The following DCTN2 variants were observed in gnomAD, a reference collection of about 807,000 sequenced individuals.
DCTN2 encodes 50 kDa dynein-associated polypeptide.
DCTN2 carries 18 observed loss-of-function variants against 55.4 expected under a neutral mutation model. The observed-to-expected ratio is 0.32, with a 90% CI of 0.22 to 0.48. The LOEUF is 0.48. DCTN2 is among the 20% of genes least tolerant of loss of function. The pLI is 0.99. For synonymous variants in DCTN2, 168 were observed against 185.2 expected (o/e 0.91, Z 0.76); for missense variants, 390 against 491.0 (o/e 0.79, Z 1.94).
Position 57,534,360 on chromosome 12 carries a change from G to A in DCTN2, c.456C>T (p.Ser152=). 1 of 1,612,778 alleles carries A rather than the reference G, an allele frequency of 6.2e-7. No homozygotes were observed. Among genetic ancestry groups the A allele is most frequent in the Non-Finnish European group, 8.5e-7 (1 of 1,179,264 alleles). Residue 152 remains serine, a synonymous_variant, in exon 6 of 14, where the codon TCC becomes TCT. Coordinates refer to ENST00000548249, the MANE Select transcript of DCTN2 (RefSeq NM_001261413.2). Reference sequence around the variant, plus strand: ...CTGGTCCCAGCAGCTTCTCCAGGTGGGAAGCAACCAGCTGCTGCTTCAGGG... The same window carrying A: ...CTGGTCCCAGCAGCTTCTCCAGGTGAGAAGCAACCAGCTGCTGCTTCAGGG... ...LAALKQQLVA[S]HLEKLLGPDA...
chr12:57,532,681 G>A (rs1879849664), intron 10 of DCTN2, 38 bp from the exon 11 acceptor site: 1 of 1,613,512 alleles, frequency 6.2e-7, no homozygotes, highest in Admixed American at 1.7e-5. Context: ...GGGCATCCAG[G>A]GCTTCCAGAG....
In DCTN2 at chr12:57,543,975, TTTTA is replaced by T; in HGVS notation, c.105+2049_105+2052del. On this transcript the variant is annotated intron_variant, in intron 2 of 13. Coordinates refer to ENST00000548249, the MANE Select transcript of DCTN2 (RefSeq NM_001261413.2). Reference sequence around the variant, plus strand: ...ACACCTGGAATGGGTGTCATCTCCTTTTTATTAAGAGATATCCCAGTATCTTCAA... The same window carrying T: ...ACACCTGGAATGGGTGTCATCTCCTTTTAAGAGATATCCCAGTATCTTCAA... 3 of 463,274 alleles carry T rather than the reference TTTTA, an allele frequency of 6.5e-6. No individual in the cohort carries two copies. The Admixed American group carries it at 7.3e-5, about 11-fold the overall frequency. 28.7% of individuals were successfully genotyped at this position (463,274 alleles called of 1,614,324 possible). A position where few individuals can be genotyped will look rare whatever the true frequency, so the allele number is the denominator to read the frequency against.
At chr12:57,533,732 C>G (rs703838) in intron 7 of DCTN2, among the ~76,000 whole-genome samples, 25,496 of 148,238 alleles carry the variant, frequency 0.17, 2,309 homozygotes, top group East Asian at 0.27. Context: ...GATTGCGCCA[C>G]TGCACTCCAG....
intron 8 of DCTN2, 56 bp downstream of exon 8, chr12:57,533,182 T>G: frequency 6.3e-7 from 1 of 1,598,442 alleles, no homozygotes; most frequent in East Asian, 2.2e-5. Context: ...TTGTAGACCT[T>G]AAGGCCTAGA....
In DCTN2 at chr12:57,532,675, A is replaced by ATCCAGGGCT. The variant is rs1389700264; in HGVS notation, c.853-41_853-33dup. On this transcript the variant is annotated intron_variant, in intron 10 of 13. Coordinates refer to ENST00000548249, the MANE Select transcript of DCTN2 (RefSeq NM_001261413.2). ...ACACAGATTTTAAGGTTGATAGGGC[A>ATCCAGGGCT]TCCAGGGCTTCCAGAGTCCCAAGCT... The ATCCAGGGCT allele has an allele frequency of 1.9e-6, 3 of 1,613,688 alleles. No individual in the cohort carries two copies. The Admixed American group carries it at 5.0e-5, about 27-fold the overall frequency.
chr12:57,543,867 C>T (rs1357353166), intron 2 of DCTN2: 1 of 1,266,042 alleles, frequency 7.9e-7, no homozygotes, highest in Non-Finnish European at 1.0e-6. Flanking sequence ...CCTCATCAGC[C>T]ACCCCACTAG....
rs1202807121 is a variant in DCTN2 at position 57,530,257 on chromosome 12, G to A, written c.*432C>T. ...GCTTAGATTGCCTGTTATGACGAATGAATATCTATATCCTAGTGCTGCTTC... is the reference window on the plus strand; with the variant it reads ...GCTTAGATTGCCTGTTATGACGAATAAATATCTATATCCTAGTGCTGCTTC... On this transcript the variant is annotated 3_prime_UTR_variant, in exon 14 of 14. Transcript: ENST00000548249. The A allele has an allele frequency of 1.3e-5, 2 of 156,620 alleles. No individual in the cohort carries two copies. The highest frequency in any genetic ancestry group is 4.8e-5 in the African/African-American group (2 of 41,634). 9.7% of individuals were successfully genotyped at this position (156,620 alleles called of 1,614,324 possible). A position where few individuals can be genotyped will look rare whatever the true frequency, so the allele number is the denominator to read the frequency against.
At chr12:57,545,399 A>C (rs554218307) in intron 2 of DCTN2, among the ~76,000 whole-genome samples, 2 of 152,276 alleles carry the variant, frequency 1.3e-5, no homozygotes, top group South Asian at 2.1e-4. Context: ...CACAAAAAAA[A>C]CCACAGAATG....
intron 2 of DCTN2, among the ~76,000 whole-genome samples, chr12:57,541,023 T>G (rs1447322959): frequency 1.3e-5 from 2 of 152,198 alleles, no homozygotes; most frequent in Non-Finnish European, 2.9e-5. Flanking sequence ...TCATTTGATC[T>G]TAGTCTGAGG....
intron 2 of DCTN2, among the ~76,000 whole-genome samples, chr12:57,540,550 G>A (rs1594891073): frequency 6.6e-6 from 1 of 152,160 alleles, no homozygotes; most frequent in Non-Finnish European, 1.5e-5. Flanking sequence ...AGACCCCCCA[G>A]GGCTGTTTGG....
At chr12:57,539,628 C>A (rs1011874310) in intron 2 of DCTN2, among the ~76,000 whole-genome samples, 1 of 152,162 alleles carries the variant, frequency 6.6e-6, no homozygotes, top group Non-Finnish European at 1.5e-5. Context: ...ATATGAAAAA[C>A]CATGGTGGGA....
At chr12:57,538,304 C>T (rs760872978) in intron 2 of DCTN2, 28 of 631,260 alleles carry the variant, frequency 4.4e-5, no homozygotes, top group South Asian at 3.9e-4. Context: ...CGGGAGCACA[C>T]TCTAGTCCTC....
intron 3 of DCTN2, 49 bp downstream of exon 3, chr12:57,535,700 A>C (rs1880173963): frequency 1.3e-6 from 2 of 1,559,348 alleles, no homozygotes; most frequent in Non-Finnish European, 1.8e-6. Context: ...ACCACTTCTC[A>C]TGCTTATCCT....
intron 4 of DCTN2, 90 bp downstream of exon 4, chr12:57,535,394 C>T (rs1880145490): frequency 2.7e-6 from 4 of 1,505,396 alleles, no homozygotes; most frequent in Non-Finnish European, 3.7e-6. Flanking sequence ...GGAACAGAAT[C>T]CCGCCTGTAT....
At position 57,547,157 on chromosome 12, in the gene DCTN2, G is replaced by C; in HGVS notation, c.-94C>G. ...AGGCTGGGTTCGGGTCCCGGGCTAA[G>C]GCGGCGGCAAAGGGAGCGGCAGATG... On this transcript the variant is annotated 5_prime_UTR_variant, in exon 1 of 14. Coordinates refer to ENST00000548249, the MANE Select transcript of DCTN2 (RefSeq NM_001261413.2). The C allele has an allele frequency of 9.1e-7, 1 of 1,101,628 alleles. No individual in the cohort carries two copies. The highest frequency in any genetic ancestry group is 1.2e-6 in the Non-Finnish European group (1 of 857,108). 68.2% of individuals were successfully genotyped at this position (1,101,628 alleles called of 1,614,324 possible).
At chr12:57,542,615 C>T (rs1399143289) in intron 2 of DCTN2, among the ~76,000 whole-genome samples, 5 of 151,776 alleles carry the variant, frequency 3.3e-5, no homozygotes, top group Non-Finnish European at 7.4e-5. Context: ...GCCAGGAGTT[C>T]GAGACCAACC....
At chr12:57,532,182 C>G in intron 12 of DCTN2, 31 bp downstream of exon 12, 1 of 1,552,368 alleles carries the variant, frequency 6.4e-7, no homozygotes, top group Non-Finnish European at 8.7e-7. Flanking sequence ...TTTTCAACTT[C>G]TCTTAGCACT....
intron 2 of DCTN2, chr12:57,543,053 TAAG>T (rs1409965270): frequency 2.2e-6 from 1 of 454,162 alleles, no homozygotes; most frequent in Non-Finnish European, 4.4e-6. Context: ...TGTCAGGGGT[TAAG>T]AAGGTGACTG....
Position 57,532,775 on chromosome 12 carries a change from G to C in DCTN2, c.810C>G (p.Ala270=), listed in dbSNP as rs186110292. Reference sequence around the variant, plus strand: ...CTTGATCCAAAACTGCAAGGTCTAGGGCGCTCACCTTTGCTTGCAACAGCT... The same window carrying C: ...CTTGATCCAAAACTGCAAGGTCTAGCGCGCTCACCTTTGCTTGCAACAGCT... ...TVELLQAKVS[A]LDLAVLDQVE... Residue 270 remains alanine, a synonymous_variant, in exon 10 of 14, where the codon GCC becomes GCG. Coordinates refer to ENST00000548249, the MANE Select transcript of DCTN2 (RefSeq NM_001261413.2). 1 of 1,613,964 alleles carries C rather than the reference G, an allele frequency of 6.2e-7. No individual in the cohort carries two copies. Among genetic ancestry groups the C allele is most frequent in the African/African-American group, 1.3e-5 (1 of 75,022 alleles).
Sources: allele counts gnomAD v4.1 joint callset (sites outside exome capture counted in the v4.1 genomes callset), GRCh38; gene constraint gnomAD v4.1.1; transcripts MANE v1.5; gene names NCBI Gene and HGNC (gene_info 2026-07-23, HGNC 2026-07-21).